Variants in DNM3 observed in about 807,000 individuals in gnomAD.
The protein encoded by DNM3 is dynamin 3, also known as dynamin-3.
In DNM3, 47 loss-of-function variants were observed where a neutral mutation model predicts 101.6. That is an observed-to-expected ratio of 0.46 (90% CI 0.37 to 0.59). The LOEUF is 0.59. DNM3 is among the 20% of genes least tolerant of loss of function. DNM3 has a pLI of 0.00. For missense variants in DNM3, 849 were observed against 1,085.7 expected (o/e 0.78, Z 3.06); for synonymous variants, 385 against 387.9 (o/e 0.99, Z 0.09).
chr1:172,260,701 C>G (rs1232597646), intron 15 of DNM3, among the ~76,000 whole-genome samples: 1 of 152,046 alleles, frequency 6.6e-6, no homozygotes, highest in African/African-American at 2.4e-5. Flanking sequence ...TGATAAATTT[C>G]TCATTCATAT....
intron 2 of DNM3, among the ~76,000 whole-genome samples, chr1:171,947,833 T>C (rs557488365): frequency 6.6e-6 from 1 of 152,352 alleles, no homozygotes; most frequent in African/African-American, 2.4e-5. Context: ...TGATACATTT[T>C]AAAGTGTTTA....
At chr1:172,258,068 A>C (rs1164615980) in intron 15 of DNM3, among the ~76,000 whole-genome samples, 1 of 152,138 alleles carries the variant, frequency 6.6e-6, no homozygotes, top group African/African-American at 2.4e-5. Context: ...ACTTGACTTA[A>C]CATAGTGATT....
intron 1 of DNM3, among the ~76,000 whole-genome samples, chr1:171,867,249 T>A (rs1326147419): frequency 1.3e-5 from 2 of 152,244 alleles, no homozygotes; most frequent in Non-Finnish European, 2.9e-5. Context: ...TGATTGCTTT[T>A]GAAATTTGAT....
At chr1:172,262,503 A>G (rs912216761) in intron 15 of DNM3, among the ~76,000 whole-genome samples, 1 of 152,116 alleles carries the variant, frequency 6.6e-6, no homozygotes, top group Non-Finnish European at 1.5e-5. Context: ...CAGCAGAAAC[A>G]TGGTCTACTG....
At chr1:172,207,575 G>A (rs2060366519) in intron 14 of DNM3, among the ~76,000 whole-genome samples, 1 of 152,090 alleles carries the variant, frequency 6.6e-6, no homozygotes, top group South Asian at 2.1e-4. Context: ...GAGAGCAACA[G>A]GAGAAAGGCA....
intron 14 of DNM3, chr1:172,139,078 C>T (rs945356785): frequency 2.3e-5 from 8 of 348,876 alleles, no homozygotes; most frequent in South Asian, 4.3e-5. Context: ...TCAGAAAGTA[C>T]ATTTATACAT....
Position 171,989,072 on chromosome 1 carries a change from T to G in DNM3, c.513T>G (p.Ile171Met), listed in dbSNP as rs1241985956. The change falls in exon 4 of 21, where the codon ATT becomes ATG. Residue 171 changes from isoleucine (I) to methionine (M), a missense_variant. This residue lies in a region of DNM3 where 388 missense variants were observed against 483.0 expected (regional missense o/e 0.80). Transcript: ENST00000627582. ...MQFITRENCLILAVTPANTDL... is the reference protein window; with the variant it reads ...MQFITRENCLMLAVTPANTDL... Reference sequence around the variant, plus strand: ...TCATCACGAGGGAGAACTGTCTGATTTTAGCTGTTACTCCAGCCAACACTG... The same window carrying G: ...TCATCACGAGGGAGAACTGTCTGATGTTAGCTGTTACTCCAGCCAACACTG... The G allele has an allele frequency of 6.2e-7, 1 of 1,613,182 alleles. No individual in the cohort carries two copies. Among genetic ancestry groups the G allele is most frequent in the South Asian group, 1.1e-5 (1 of 90,932 alleles).
chr1:171,933,886 T>C (rs1361643490), intron 2 of DNM3, among the ~76,000 whole-genome samples: 4 of 151,948 alleles, frequency 2.6e-5, no homozygotes, highest in Non-Finnish European at 4.4e-5. Context: ...AAAAGGAAAA[T>C]GTGGGCAGCT....
chr1:172,243,884 CTTTAAG>C (rs1423771691), intron 14 of DNM3, among the ~76,000 whole-genome samples: 1 of 151,886 alleles, frequency 6.6e-6, no homozygotes, highest in Non-Finnish European at 1.5e-5. Flanking sequence ...TATTATTATA[CTTTAAG>C]TTTTAGGGTA....
chr1:172,255,981 ATTC>A (rs960415823), intron 15 of DNM3, among the ~76,000 whole-genome samples: 3 of 152,104 alleles, frequency 2.0e-5, no homozygotes, highest in Non-Finnish European at 2.9e-5. Context: ...AGATTGTATG[ATTC>A]TTCTTCTTTA....
At chr1:172,307,049 C>T (rs989974908) in intron 15 of DNM3, among the ~76,000 whole-genome samples, 4 of 152,150 alleles carry the variant, frequency 2.6e-5, no homozygotes, top group Non-Finnish European at 5.9e-5. Context: ...AACTAAAGAG[C>T]TTCTGCACAG....
In DNM3 at chr1:172,003,087, T is replaced by C. The variant is rs1446209859; in HGVS notation, c.589+13939T>C. 2.0e-5 allele frequency among the ~76,000 whole-genome samples: 3 copies of C among 152,050 alleles called. No individual in the cohort carries two copies. In the East Asian group the frequency reaches 5.8e-4, roughly 29 times the overall value. ...AAGATAATAAATATATTCTCTCTTT[T>C]TCTGAATTTAATTGCCAATTAGTAA... is the stretch of plus-strand genomic sequence containing the variant. On this transcript the variant is annotated intron_variant, in intron 4 of 20. Transcript: ENST00000627582.
intron 13 of DNM3, among the ~76,000 whole-genome samples, chr1:172,128,246 T>G (rs1256307325): frequency 6.6e-6 from 1 of 152,188 alleles, no homozygotes; most frequent in African/African-American, 2.4e-5. Flanking sequence ...CATCCTAATC[T>G]CTTCCTTTTG....
At chr1:171,960,972 G>A (rs552555213) in intron 2 of DNM3, among the ~76,000 whole-genome samples, 1 of 152,212 alleles carries the variant, frequency 6.6e-6, no homozygotes, top group African/African-American at 2.4e-5. Context: ...TGGAAGTTTG[G>A]AATAGTTGTT....
intron 1 of DNM3, among the ~76,000 whole-genome samples, chr1:171,869,097 A>C (rs149508649): frequency 6.6e-6 from 1 of 152,286 alleles, no homozygotes; most frequent in African/African-American, 2.4e-5. Flanking sequence ...CAATTTCTTA[A>C]ACTACAATTG....
chr1:172,091,575 G>A (rs1018313495), intron 12 of DNM3, among the ~76,000 whole-genome samples: 2 of 152,160 alleles, frequency 1.3e-5, no homozygotes, highest in African/African-American at 4.8e-5. Context: ...GGGTGGGTTT[G>A]AAAAAGAGCA....
At chr1:171,987,565 T>G in intron 2 of DNM3, 91 bp from the exon 3 acceptor site, 1 of 1,290,586 alleles carries the variant, frequency 7.7e-7, no homozygotes, top group East Asian at 2.4e-5. Context: ...GAGAGAATAT[T>G]GGATACTTTG....
chr1:172,307,387 A>T (rs1198828408), intron 15 of DNM3, among the ~76,000 whole-genome samples: 1 of 152,228 alleles, frequency 6.6e-6, no homozygotes, highest in Non-Finnish European at 1.5e-5. Flanking sequence ...GATGCTGGAG[A>T]GGATGTGGAG....
intron 14 of DNM3, among the ~76,000 whole-genome samples, chr1:172,182,182 G>GT (rs796368546): frequency 0.037 from 5,307 of 143,860 alleles, 262 homozygotes; most frequent in African/African-American, 0.12. Flanking sequence ...ACATTTTATA[G>GT]TTTTTTTTTT....
Sources: allele counts gnomAD v4.1 joint callset (sites outside exome capture counted in the v4.1 genomes callset), GRCh38; gene constraint gnomAD v4.1.1; regional missense constraint gnomAD v4.1.1; transcripts MANE v1.5; gene names NCBI Gene and HGNC (gene_info 2026-07-23, HGNC 2026-07-21).